The following FSTL5 variants were observed in gnomAD, a reference collection of about 807,000 sequenced individuals.
FSTL5 encodes the protein follistatin-related protein 5.
FSTL5 carries 62 observed loss-of-function variants against 89.1 expected under a neutral mutation model. That is an observed-to-expected ratio of 0.70 (90% CI 0.57 to 0.86). The LOEUF (loss-of-function observed/expected upper bound fraction) is 0.86, where lower values mean the gene tolerates loss of function less well. Ranked by LOEUF, FSTL5 falls within the 40% of genes least tolerant of loss-of-function variation. FSTL5 has a pLI of 0.00. For synonymous variants in FSTL5, 383 were observed against 346.2 expected, an observed-to-expected ratio of 1.11 and a Z score of -1.18; for missense variants, 1,057 against 1,001.6, an observed-to-expected ratio of 1.06 and a Z score of -0.75.
chr4:161,426,946 AT>A (rs955232337), intron 15 of FSTL5, among the ~76,000 whole-genome samples: 2 of 152,190 alleles, frequency 1.3e-5, no homozygotes, highest in Non-Finnish European at 2.9e-5. Flanking sequence ...ATGACAACAG[AT>A]TTTAATGGTC....
At chr4:161,681,154 G>C (rs1011717628) in intron 6 of FSTL5, among the ~76,000 whole-genome samples, 2 of 151,992 alleles carry the variant, frequency 1.3e-5, no homozygotes, top group Non-Finnish European at 2.9e-5. Flanking sequence ...GTGAATGTGT[G>C]ATTTGAATAT....
chr4:161,410,385 A>G (rs746550065), intron 15 of FSTL5, among the ~76,000 whole-genome samples: 8 of 152,200 alleles, frequency 5.3e-5, no homozygotes, highest in Non-Finnish European at 1.2e-4. Flanking sequence ...CCTTGTCAAC[A>G]TCTACAGAAC....
chr4:161,598,460 TA>T (rs1488743115), intron 7 of FSTL5, among the ~76,000 whole-genome samples: 1 of 151,998 alleles, frequency 6.6e-6, no homozygotes, highest in Non-Finnish European at 1.5e-5. Flanking sequence ...GACAGTGTAA[TA>T]GAGCATGAAA....
At chr4:161,994,526 C>T (rs1397334251) in intron 3 of FSTL5, among the ~76,000 whole-genome samples, 2 of 152,194 alleles carry the variant, frequency 1.3e-5, no homozygotes, top group African/African-American at 4.8e-5. Context: ...CTTTTCTCCA[C>T]ATCCTTGCCA....
At chr4:161,566,086 T>C (rs1157432500) in intron 8 of FSTL5, among the ~76,000 whole-genome samples, 10 of 84,432 alleles carry the variant, frequency 1.2e-4, no homozygotes, top group East Asian at 4.8e-4. Context: ...ATTGTTTTTT[T>C]CTTTTTTTTT....
At chr4:161,679,380 GATT>G (rs1204077396) in intron 6 of FSTL5, among the ~76,000 whole-genome samples, 2 of 151,482 alleles carry the variant, frequency 1.3e-5, no homozygotes, top group African/African-American at 2.4e-5. Flanking sequence ...TATGAATTAA[GATT>G]ATTATTCTAC....
chr4:161,557,013 A>G (rs1444913923), intron 8 of FSTL5, among the ~76,000 whole-genome samples: 1 of 151,308 alleles, frequency 6.6e-6, no homozygotes, highest in African/African-American at 2.4e-5. Context: ...GGAATTGTAA[A>G]TGAACTCTAC....
intron 4 of FSTL5, among the ~76,000 whole-genome samples, chr4:161,882,894 T>G (rs1363378202): frequency 6.6e-6 from 1 of 152,104 alleles, no homozygotes; most frequent in Non-Finnish European, 1.5e-5. Context: ...AGATAATGGT[T>G]AAATGATTCA....
chr4:161,627,134 T>C (rs550643268), intron 7 of FSTL5, among the ~76,000 whole-genome samples: 2 of 152,326 alleles, frequency 1.3e-5, no homozygotes, highest in East Asian at 3.9e-4. Context: ...TAAAACACTA[T>C]GAAAAGTATC....
intron 15 of FSTL5, among the ~76,000 whole-genome samples, chr4:161,454,563 G>A (rs1405969881): frequency 6.6e-6 from 1 of 152,102 alleles, no homozygotes; most frequent in Non-Finnish European, 1.5e-5. Flanking sequence ...TGATGAGAGT[G>A]AACAAAATAT....
intron 3 of FSTL5, among the ~76,000 whole-genome samples, chr4:161,945,506 C>A (rs1734709720): frequency 6.6e-6 from 1 of 152,208 alleles, no homozygotes; most frequent in Non-Finnish European, 1.5e-5. Context: ...GTAATCCCAG[C>A]ACTTTGGGAG....
At chr4:162,061,677 G>T (rs920641624) in intron 2 of FSTL5, among the ~76,000 whole-genome samples, 1 of 152,044 alleles carries the variant, frequency 6.6e-6, no homozygotes, top group Non-Finnish European at 1.5e-5. Flanking sequence ...TGACAGCAGG[G>T]TTTTAAACCA....
intron 13 of FSTL5, among the ~76,000 whole-genome samples, chr4:161,472,664 A>T (rs1326664371): frequency 6.6e-5 from 10 of 151,296 alleles, no homozygotes; most frequent in Non-Finnish European, 1.5e-4. Flanking sequence ...TTCCAATTTT[A>T]CTTCTATTAT....
At chr4:161,834,430 T>C (rs1483514335) in intron 4 of FSTL5, among the ~76,000 whole-genome samples, 1 of 152,090 alleles carries the variant, frequency 6.6e-6, no homozygotes, top group Non-Finnish European at 1.5e-5. Context: ...CTATTCAACA[T>C]AGTGTTGGAA....
chr4:161,434,087 A>G (rs534078883), intron 15 of FSTL5, among the ~76,000 whole-genome samples: 2 of 152,270 alleles, frequency 1.3e-5, no homozygotes, highest in African/African-American at 4.8e-5. Flanking sequence ...ATATCTCAGA[A>G]TAGCCAAAGC....
At position 162,163,452 on chromosome 4, in the gene FSTL5, A is replaced by AT. The variant is rs1471093201; in HGVS notation, c.-17+162dup. 6.4e-5 allele frequency among the ~76,000 whole-genome samples: 9 copies of AT among 139,594 alleles called. 1 individual carries two copies. The highest frequency in any genetic ancestry group is 6.1e-4 in the East Asian group (3 of 4,894). 91.6% of individuals were successfully genotyped at this position (139,594 alleles called of 152,430 possible). ...AGATTGTCTTGTAATAATAATAATA[A>AT]TAATAATAATAATAATAGTAATTAT... On this transcript the variant is annotated intron_variant, in intron 1 of 15. Transcript: ENST00000306100.
chr4:161,987,936 G>A (rs1736011995), intron 3 of FSTL5, among the ~76,000 whole-genome samples: 1 of 147,434 alleles, frequency 6.8e-6, no homozygotes, highest in African/African-American at 2.5e-5. Context: ...TTCTTTTACA[G>A]ACTTAGAAAG....
At chr4:161,887,780 G>T (rs1165727582) in intron 4 of FSTL5, among the ~76,000 whole-genome samples, 1 of 152,004 alleles carries the variant, frequency 6.6e-6, no homozygotes, top group Non-Finnish European at 1.5e-5. Context: ...GTCTTCTTAA[G>T]TCTAAGGAAC....
chr4:161,898,426 A>T (rs977915943), intron 4 of FSTL5, among the ~76,000 whole-genome samples: 8 of 151,816 alleles, frequency 5.3e-5, no homozygotes, highest in African/African-American at 1.7e-4. Context: ...AGGAAAAATG[A>T]TATGGTAAGA....
Sources: gnomAD v4.1 joint callset for allele counts (sites outside exome capture counted in the v4.1 genomes callset) on GRCh38, gnomAD v4.1.1 for gene constraint, MANE v1.5 for transcripts, NCBI Gene and HGNC (gene_info 2026-07-23, HGNC 2026-07-21) for gene names.